Variants in SOX6 observed in about 807,000 individuals in gnomAD.
SOX6 encodes SRY-box transcription factor 6.
In SOX6, 11 loss-of-function variants were observed where a neutral mutation model predicts 97.8. The observed-to-expected ratio is 0.11, with a 90% confidence interval of 0.07 to 0.19. The LOEUF (loss-of-function observed/expected upper bound fraction) is 0.19, where lower values mean the gene tolerates loss of function less well. Ranked by LOEUF, SOX6 falls within the 10% of genes least tolerant of loss-of-function variation. The pLI, the probability that SOX6 is intolerant of heterozygous loss-of-function variation, is 1.00. For synonymous variants in SOX6, 360 were observed against 371.4 expected (o/e 0.97, Z 0.35); for missense variants, 810 against 1,039.5 (o/e 0.78, Z 3.04).
chr11:16,350,676 T>A (rs910035822), intron 1 of SOX6, among the ~76,000 whole-genome samples: 1 of 152,212 alleles, frequency 6.6e-6, no homozygotes, highest in Non-Finnish European at 1.5e-5. Context: ...TCAGAGAACA[T>A]CTTTCAGACC....
intron 6 of SOX6, among the ~76,000 whole-genome samples, chr11:16,161,677 A>G (rs1002651219): frequency 6.6e-6 from 1 of 152,176 alleles, no homozygotes; most frequent in Non-Finnish European, 1.5e-5. Flanking sequence ...GATCTCTACC[A>G]TATAACACTC....
At chr11:16,695,830 A>G (rs530363852) in intron 3 of SOX6, among the ~76,000 whole-genome samples, 1 of 150,934 alleles carries the variant, frequency 6.6e-6, no homozygotes, top group Non-Finnish European at 1.5e-5. Context: ...TCTACCAATA[A>G]GAAAAAAAAA....
At chr11:16,670,917 C>T (rs78828225) in intron 3 of SOX6, among the ~76,000 whole-genome samples, 1,751 of 151,636 alleles carry the variant, frequency 0.012, 38 homozygotes, top group African/African-American at 0.04. Flanking sequence ...AGAGGGATCA[C>T]GGCTGCAACT....
intron 14 of SOX6, 33 bp downstream of exon 14, chr11:15,988,964 G>A: frequency 1.3e-6 from 2 of 1,587,722 alleles, no homozygotes; most frequent in Non-Finnish European, 1.7e-6. Flanking sequence ...TTGCAGGGGA[G>A]AAGATCAGCT....
In SOX6 at chr11:16,094,694, C is replaced by T. The variant is rs144074246; in HGVS notation, c.1101+1302G>A. Among the ~76,000 whole-genome samples the T allele has an allele frequency of 1.6e-4, 25 of 151,932 alleles. 1 individual carries two copies. In the East Asian group the frequency reaches 3.5e-3, roughly 21 times the overall value. Reference sequence around the variant, plus strand: ...CCTAGGCATAGATTTTCAGAATGCCCAGAAATGTGGTACTCACTCTACAGC... The same window carrying T: ...CCTAGGCATAGATTTTCAGAATGCCTAGAAATGTGGTACTCACTCTACAGC... On this transcript the variant is annotated intron_variant, in intron 9 of 15. Transcript: ENST00000683767.
chr11:16,503,100 A>G (rs1430373075), intron 4 of SOX6, among the ~76,000 whole-genome samples: 2 of 152,158 alleles, frequency 1.3e-5, no homozygotes, highest in Non-Finnish European at 2.9e-5. Flanking sequence ...CTAAATATAC[A>G]ATACCCAGCA....
chr11:16,350,034 C>CA (rs1856896656), intron 1 of SOX6, among the ~76,000 whole-genome samples: 2 of 151,852 alleles, frequency 1.3e-5, no homozygotes, highest in Admixed American at 1.3e-4. Flanking sequence ...ACCAGTTTAG[C>CA]AAAAAAGGGG....
chr11:15,967,995 G>T lies in SOX6; in HGVS notation c.*4814C>A, dbSNP rs1853189982. ...GTCCCCAAAGGGAAAGATAGAATGG[G>T]GATGAAAAGGAAATGTGTTTGCATA... On this transcript the variant is annotated 3_prime_UTR_variant, in exon 16 of 16. Coordinates refer to ENST00000683767, the MANE Select transcript of SOX6 (RefSeq NM_001367873.1). The T allele has an allele frequency of 6.6e-6, 1 of 151,702 alleles. No individual in the cohort carries two copies. Among genetic ancestry groups the T allele is most frequent in the Non-Finnish European group, 1.5e-5 (1 of 67,922 alleles). The allele number at this position is 151,702 out of a possible 1,614,324, so 9.4% of individuals were successfully genotyped here. A position where few individuals can be genotyped will look rare whatever the true frequency, so the allele number is the denominator to read the frequency against.
chr11:16,494,644 C>G (rs1860565022), intron 4 of SOX6, among the ~76,000 whole-genome samples: 1 of 151,866 alleles, frequency 6.6e-6, no homozygotes, highest in African/African-American at 2.4e-5. Context: ...AGAGAGAACA[C>G]TGAAATTCAA....
chr11:16,120,611 A>G (rs1396346484), intron 6 of SOX6, among the ~76,000 whole-genome samples: 1 of 151,150 alleles, frequency 6.6e-6, no homozygotes, highest in Admixed American at 6.6e-5. Flanking sequence ...AATATACTTC[A>G]ATGAAAAGTT....
intron 3 of SOX6, 47 bp downstream of exon 3, chr11:16,318,399 T>G: frequency 6.4e-7 from 1 of 1,561,146 alleles, no homozygotes; most frequent in Non-Finnish European, 8.8e-7. Context: ...AGGCCTGGAA[T>G]CTTTAGAAGA....
intron 1 of SOX6, among the ~76,000 whole-genome samples, chr11:16,417,583 A>G (rs535297325): frequency 6.6e-6 from 1 of 152,360 alleles, no homozygotes; most frequent in East Asian, 1.9e-4. Context: ...GGAAGTAAGA[A>G]AAGGAAAATA....
intron 3 of SOX6, among the ~76,000 whole-genome samples, chr11:16,661,263 A>G (rs1232089052): frequency 6.6e-6 from 1 of 152,210 alleles, no homozygotes; most frequent in African/African-American, 2.4e-5. Flanking sequence ...AAAGTGTGCT[A>G]CCACAGCTTC....
chr11:15,973,146 G>T, intron 15 of SOX6, 34 bp from the exon 16 acceptor site: 1 of 1,605,192 alleles, frequency 6.2e-7, no homozygotes. Flanking sequence ...TCAGACAAGG[G>T]AGAAATATCT....
Position 16,171,542 on chromosome 11 carries a change from C to A in SOX6, c.777+12344G>T, listed in dbSNP as rs1165263166. 3.3e-5 allele frequency among the ~76,000 whole-genome samples: 5 copies of A among 151,992 alleles called. No homozygotes were observed. In the South Asian group the frequency reaches 1.0e-3, roughly 32 times the overall value. On this transcript the variant is annotated intron_variant, in intron 6 of 15. Transcript: ENST00000683767. ...ATGATTTATCATTTTTAAATAATAT[C>A]TTTTTTTAAATTTTAAACCACAAAT... is the stretch of plus-strand genomic sequence containing the variant.
chr11:16,535,427 C>T (rs1861293182), intron 4 of SOX6, among the ~76,000 whole-genome samples: 1 of 152,122 alleles, frequency 6.6e-6, no homozygotes. Flanking sequence ...AGTCCCAGCA[C>T]TTTGGGAGGC....
rs552358041 is a variant in SOX6, at chr11:16,730,376, C to T, written n.353+5963G>A. Among the ~76,000 whole-genome samples the T allele has an allele frequency of 1.1e-4, 17 of 152,156 alleles. No homozygotes were observed. In the South Asian group the frequency reaches 2.7e-3, roughly 24 times the overall value. ...ACACTCCTCAGCAAAAGCAAAAGAA[C>T]GGAAGTAAAAACCAACAGTCTTTCA... On this transcript the variant is annotated intron_variant and non_coding_transcript_variant, in intron 2 of 5. Transcript: ENST00000524520.
intron 4 of SOX6, among the ~76,000 whole-genome samples, chr11:16,205,648 T>C (rs879864982): frequency 2.4e-4 from 37 of 152,128 alleles, no homozygotes; most frequent in Non-Finnish European, 5.3e-4. Flanking sequence ...AAGCATTTGT[T>C]GGTATATAGA....
chr11:16,195,537 A>G (rs1851749339), intron 4 of SOX6, among the ~76,000 whole-genome samples: 1 of 152,240 alleles, frequency 6.6e-6, no homozygotes, highest in African/African-American at 2.4e-5. Context: ...TTGGCTAGCA[A>G]TCAGACAACC....
Sources: allele counts gnomAD v4.1 joint callset (sites outside exome capture counted in the v4.1 genomes callset), GRCh38; gene constraint gnomAD v4.1.1; transcripts MANE v1.5; gene names NCBI Gene and HGNC (gene_info 2026-07-23, HGNC 2026-07-21).